The following CNTNAP2 variants were observed in gnomAD, a reference collection of about 807,000 sequenced individuals.
CNTNAP2 encodes contactin-associated protein-like 2.
A neutral mutation model predicts 155.2 loss-of-function variants in CNTNAP2; 98 were observed. That is an observed-to-expected ratio of 0.63 (90% CI 0.54 to 0.75). The LOEUF (loss-of-function observed/expected upper bound fraction) is 0.75. Ranked by LOEUF, CNTNAP2 falls within the 30% of genes least tolerant of loss-of-function variation. CNTNAP2 has a pLI of 0.00. For synonymous variants in CNTNAP2, 651 were observed against 631.2 expected (o/e 1.03, Z -0.47); for missense variants, 1,727 against 1,688.1 (o/e 1.02, Z -0.40).
chr7:147,968,010 C>T (rs1453582415), intron 14 of CNTNAP2, among the ~76,000 whole-genome samples: 1 of 152,042 alleles, frequency 6.6e-6, no homozygotes, highest in African/African-American at 2.4e-5. Context: ...TAAGTACATA[C>T]GGGTAGCTAT....
At chr7:147,249,815 C>T (rs993582453) in intron 8 of CNTNAP2, among the ~76,000 whole-genome samples, 1 of 151,786 alleles carries the variant, frequency 6.6e-6, no homozygotes, top group Non-Finnish European at 1.5e-5. Flanking sequence ...ACCAAAGTTC[C>T]GTGCTCTTTG....
chr7:147,834,649 G>A (rs965017247), intron 13 of CNTNAP2, among the ~76,000 whole-genome samples: 2 of 152,076 alleles, frequency 1.3e-5, no homozygotes, highest in African/African-American at 2.4e-5. Context: ...GCAGAGTTTG[G>A]TGGCTACATG....
chr7:148,021,540 A>G (rs1475731000), intron 15 of CNTNAP2, among the ~76,000 whole-genome samples: 1 of 152,198 alleles, frequency 6.6e-6, no homozygotes, highest in East Asian at 1.9e-4. Flanking sequence ...TGGAGAAAAC[A>G]CCTGACTTGT....
At chr7:147,957,889 A>G in intron 14 of CNTNAP2, among the ~76,000 whole-genome samples, 1 of 147,388 alleles carries the variant, frequency 6.8e-6, no homozygotes, top group South Asian at 2.1e-4. Flanking sequence ...AGTCTGGACA[A>G]CATGAGGAGA....
At chr7:148,072,625 A>G (rs1803401840) in intron 15 of CNTNAP2, among the ~76,000 whole-genome samples, 1 of 152,212 alleles carries the variant, frequency 6.6e-6, no homozygotes, top group Non-Finnish European at 1.5e-5. Context: ...CATTATCTAA[A>G]CGGTTAACAG....
intron 15 of CNTNAP2, among the ~76,000 whole-genome samples, chr7:147,991,979 GC>G (rs1289819443): frequency 1.3e-5 from 2 of 150,812 alleles, no homozygotes; most frequent in Non-Finnish European, 2.9e-5. Flanking sequence ...TTAAACATAA[GC>G]TTCTTCTTGA....
chr7:146,308,182 C>T lies in CNTNAP2; in HGVS notation c.97+191209C>T, dbSNP rs535745127. Among the ~76,000 whole-genome samples, 8 of 152,290 alleles carry T rather than the reference C, an allele frequency of 5.3e-5. No homozygotes were observed. The East Asian group carries it at 1.5e-3, about 29-fold the overall frequency. On this transcript the variant is annotated intron_variant, in intron 1 of 23. Coordinates refer to ENST00000361727, the MANE Select transcript of CNTNAP2 (RefSeq NM_014141.6). ...AGTGGGCAAAGGATATGAACAGACACTTCTCAAAAGAAGACATTTATGCAG... is the reference window on the plus strand; with the variant it reads ...AGTGGGCAAAGGATATGAACAGACATTTCTCAAAAGAAGACATTTATGCAG...
At position 147,946,413 on chromosome 7, in the gene CNTNAP2, T is replaced by G. The variant is rs1331248428; in HGVS notation, c.2256-31449T>G. Among the ~76,000 whole-genome samples, 3 of 152,036 alleles carry G rather than the reference T, an allele frequency of 2.0e-5. No homozygotes were observed. In the South Asian group the frequency reaches 6.2e-4, roughly 32 times the overall value. ...GACCAAGAATAAGCAGGAAGTTAAA[T>G]ACCAAGATATTCCCCCAAAATAAAC... On this transcript the variant is annotated intron_variant, in intron 14 of 23. Coordinates refer to ENST00000361727, the MANE Select transcript of CNTNAP2 (RefSeq NM_014141.6).
chr7:148,054,475 A>G (rs1434679534), intron 15 of CNTNAP2, among the ~76,000 whole-genome samples: 1 of 121,380 alleles, frequency 8.2e-6, no homozygotes, highest in Non-Finnish European at 1.6e-5. Flanking sequence ...TTTTTTTTAC[A>G]GAGCTGGATA....
At chr7:147,059,707 T>C (rs1285833298) in intron 4 of CNTNAP2, among the ~76,000 whole-genome samples, 2 of 152,086 alleles carry the variant, frequency 1.3e-5, no homozygotes, top group African/African-American at 4.8e-5. Flanking sequence ...ATATATATTG[T>C]GTCCTTACAA....
In CNTNAP2 at chr7:147,023,130, T is replaced by A. The variant is rs1022392252; in HGVS notation, c.403-20777T>A. 4.6e-5 allele frequency among the ~76,000 whole-genome samples: 7 copies of A among 152,316 alleles called. No homozygotes were observed. The South Asian group carries it at 1.5e-3, about 32-fold the overall frequency. ...AGCTTTTAGAACCTTATCGTGTTGTTCAAATTTAGGGATATTAAAAGAGGA... is the reference window on the plus strand; with the variant it reads ...AGCTTTTAGAACCTTATCGTGTTGTACAAATTTAGGGATATTAAAAGAGGA... On this transcript the variant is annotated intron_variant, in intron 3 of 23. Transcript: ENST00000361727.
chr7:146,432,858 G>T, intron 1 of CNTNAP2, among the ~76,000 whole-genome samples: 1 of 152,196 alleles, frequency 6.6e-6, no homozygotes, highest in Non-Finnish European at 1.5e-5. Flanking sequence ...TGCATTCTCC[G>T]TGCCGGTTGA....
intron 13 of CNTNAP2, among the ~76,000 whole-genome samples, chr7:147,859,448 T>C (rs1450824130): frequency 1.3e-5 from 2 of 151,370 alleles, no homozygotes; most frequent in African/African-American, 2.4e-5. Context: ...AAACATGTCA[T>C]ATTTTCTGCA....
chr7:148,118,355 G>A, intron 16 of CNTNAP2, 67 bp downstream of exon 16: 1 of 1,528,538 alleles, frequency 6.5e-7, no homozygotes, highest in South Asian at 1.1e-5. Flanking sequence ...TCCGGGTCCT[G>A]ATTGTGGAAG....
chr7:147,391,633 A>C (rs1392785178), intron 9 of CNTNAP2, among the ~76,000 whole-genome samples: 1 of 152,096 alleles, frequency 6.6e-6, no homozygotes, highest in African/African-American at 2.4e-5. Flanking sequence ...ACAGAAGGAA[A>C]ATGCTTTTAA....
intron 23 of CNTNAP2, among the ~76,000 whole-genome samples, chr7:148,413,681 C>CAACTATAA (rs1453492457): frequency 1.3e-5 from 2 of 151,702 alleles, no homozygotes; most frequent in Non-Finnish European, 2.9e-5. Context: ...AAAAAATCTC[C>CAACTATAA]AACTATAATT....
intron 4 of CNTNAP2, among the ~76,000 whole-genome samples, chr7:147,048,421 G>C (rs576422832): frequency 6.6e-6 from 1 of 152,270 alleles, no homozygotes; most frequent in South Asian, 2.1e-4. Flanking sequence ...ACTCAGTGAT[G>C]CTGCTTTGGA....
chr7:146,189,581 T>G (rs1301568523), intron 1 of CNTNAP2, among the ~76,000 whole-genome samples: 1 of 152,156 alleles, frequency 6.6e-6, no homozygotes, highest in Non-Finnish European at 1.5e-5. Context: ...CACAAAGCAG[T>G]TTAAAATTAA....
chr7:146,781,940 G>A (rs1476645463), intron 2 of CNTNAP2, among the ~76,000 whole-genome samples: 1 of 152,158 alleles, frequency 6.6e-6, no homozygotes, highest in African/African-American at 2.4e-5. Flanking sequence ...CTCTTCTGCT[G>A]TCTCTAGTCC....
Sources: allele counts gnomAD v4.1 joint callset (sites outside exome capture counted in the v4.1 genomes callset), GRCh38; gene constraint gnomAD v4.1.1; transcripts MANE v1.5; gene names NCBI Gene and HGNC (gene_info 2026-07-23, HGNC 2026-07-21).